The following ETV3 variants were observed in gnomAD, a reference collection of about 807,000 sequenced individuals.
The protein encoded by ETV3 is ETS variant transcription factor 3, also known as ETS translocation variant 3.
ETV3 carries 8 observed loss-of-function variants against 33.0 expected under a neutral mutation model. The ratio of observed to expected loss-of-function variants is 0.24; its 90% CI spans 0.14 to 0.44. The LOEUF is 0.44. ETV3 is among the 20% of genes least tolerant of loss of function. The probability of loss-of-function intolerance (pLI) is 1.00; values close to 1 mark genes in which losing one functional copy is unlikely to be tolerated. For synonymous variants in ETV3, 222 were observed against 238.9 expected (o/e 0.93, Z 0.65); for missense variants, 473 against 652.3 (o/e 0.73, Z 2.99).
rs1050205128 is a variant in ETV3, at chr1:157,121,276, T to C, written c.*3565A>G. ...CATAACAAAATACAGAGCTATCAGA[T>C]ACCCCTGGAAAAAATATGTATATTA... On this transcript the variant is annotated 3_prime_UTR_variant, in exon 5 of 5. Coordinates refer to ENST00000368192, the MANE Select transcript of ETV3 (RefSeq NM_001145312.3). 20 of 151,930 alleles carry C rather than the reference T, an allele frequency of 1.3e-4. No individual in the cohort carries two copies. Among genetic ancestry groups the C allele is most frequent in the Non-Finnish European group, 2.4e-4 (16 of 67,978 alleles). The allele number at this position is 151,930 out of a possible 1,614,324, so 9.4% of individuals were successfully genotyped here. A position where few individuals can be genotyped will look rare whatever the true frequency, so the allele number is the denominator to read the frequency against.
chr1:157,129,723 A>G (rs1421103544), intron 4 of ETV3, among the ~76,000 whole-genome samples: 1 of 152,240 alleles, frequency 6.6e-6, no homozygotes, highest in African/African-American at 2.4e-5. Context: ...TTGACTTTCA[A>G]TTAAGAGTAC....
At chr1:157,137,509 A>AAAACAC (rs779847792) in intron 1 of ETV3, among the ~76,000 whole-genome samples, 7 of 145,090 alleles carry the variant, frequency 4.8e-5, no homozygotes, top group African/African-American at 1.8e-4. Flanking sequence ...GACAAGGAAA[A>AAAACAC]ACACACACAC....
At chr1:157,131,988 T>G (rs1674977050) in intron 4 of ETV3, among the ~76,000 whole-genome samples, 1 of 152,212 alleles carries the variant, frequency 6.6e-6, no homozygotes, top group Admixed American at 6.5e-5. Context: ...TTATTGAGAC[T>G]GAGTCTCGCT....
In ETV3 at chr1:157,124,770, TG is replaced by T; in HGVS notation, c.*70del. Reference sequence around the variant, plus strand: ...CAGTTTAACTCCCTCCCCCCCACCCTGAAATCTTGCTACATAAATACATGTA... The same window carrying T: ...CAGTTTAACTCCCTCCCCCCCACCCTAAATCTTGCTACATAAATACATGTA... On this transcript the variant is annotated 3_prime_UTR_variant, in exon 5 of 5. Coordinates refer to ENST00000368192, the MANE Select transcript of ETV3 (RefSeq NM_001145312.3). The T allele has an allele frequency of 2.2e-5, 1 of 45,568 alleles. No homozygotes were observed. The highest frequency in any genetic ancestry group is 2.8e-4 in the South Asian group (1 of 3,542). The allele number at this position is 45,568 out of a possible 1,614,324, so 2.8% of individuals were successfully genotyped here. A position where few individuals can be genotyped will look rare whatever the true frequency, so the allele number is the denominator to read the frequency against.
At chr1:157,133,288 A>T (rs1571700965) in intron 4 of ETV3, 1 of 530,124 alleles carries the variant, frequency 1.9e-6, no homozygotes, top group Non-Finnish European at 2.4e-6. Context: ...GGAAGAAAAA[A>T]CATCATATAT....
chr1:157,125,204 G>A lies in ETV3; in HGVS notation c.1176C>T (p.Ser392=), dbSNP rs1025456826. 3.9e-6 allele frequency: 6 copies of A among 1,552,080 alleles called. No individual in the cohort carries two copies. The African/African-American group carries it at 5.5e-5, about 14-fold the overall frequency. The change falls in exon 5 of 5, where the codon AGC becomes AGT. Residue 392 remains serine, a synonymous_variant. Transcript: ENST00000368192. This position sits in a 1 kb window ranked among gnomAD's most constrained non-coding sequence, Gnocchi z 4.0. ...VEPASEKDPE[S]LRQSAREKEE... is the part of the protein sequence containing the mutation. ...CCTTCTCTCGTGCCGACTGCCTGAG[G>A]CTCTCAGGATCCTTTTCAGAGGCAG...
chr1:157,135,763 C>CTCTTA, intron 2 of ETV3, 55 bp from the exon 3 acceptor site: 3 of 1,530,080 alleles, frequency 2.0e-6, no homozygotes, highest in Non-Finnish European at 1.8e-6. Context: ...ACATACATAC[C>CTCTTA]AGCAACCCCA....
At position 157,135,718 on chromosome 1, in the gene ETV3, GAGA is replaced by G. The variant is rs1323160797; in HGVS notation, c.47-13_47-11del. 2 of 1,613,798 alleles carry G rather than the reference GAGA, an allele frequency of 1.2e-6. No individual in the cohort carries two copies. The highest frequency in any genetic ancestry group is 2.2e-5 in the East Asian group (1 of 44,886). On this transcript the variant is annotated splice_polypyrimidine_tract_variant and intron_variant, in intron 2 of 4. Coordinates refer to ENST00000368192, the MANE Select transcript of ETV3 (RefSeq NM_001145312.3). ...TCAGGAAACTGATACCCTTTCATGT[GAGA>G]AGGTCAAGATTAAGCTAGTTAAGAG...
At chr1:157,136,422 A>T in intron 1 of ETV3, 57 bp from the exon 2 acceptor site, 3 of 1,507,144 alleles carry the variant, frequency 2.0e-6, no homozygotes, top group Non-Finnish European at 2.7e-6. Context: ...GTATCCTCTC[A>T]AAAGTTTTCT....
At chr1:157,131,940 A>C (rs904026560) in intron 4 of ETV3, among the ~76,000 whole-genome samples, 4 of 152,208 alleles carry the variant, frequency 2.6e-5, no homozygotes, top group Non-Finnish European at 5.9e-5. Context: ...AGATAGATGT[A>C]CTAAAAGAAA....
rs897892246 is a variant in ETV3, at chr1:157,122,182, G to C, written c.*2659C>G. 21 of 152,194 alleles carry C rather than the reference G, an allele frequency of 1.4e-4. No individual in the cohort carries two copies. The highest frequency in any genetic ancestry group is 5.2e-4 in the Admixed American group (8 of 15,304). The allele number at this position is 152,194 out of a possible 1,614,324, so 9.4% of individuals were successfully genotyped here. A position where few individuals can be genotyped will look rare whatever the true frequency, so the allele number is the denominator to read the frequency against. On this transcript the variant is annotated 3_prime_UTR_variant, in exon 5 of 5. Transcript: ENST00000368192. ...TGATGAGATGCTCACAGAAGAAAAA[G>C]GCCTGGCTTTGTACCAGGCTGGCGA...
chr1:157,125,273 G>C lies in ETV3; in HGVS notation c.1107C>G (p.Thr369=), dbSNP rs1469970186. The C allele has an allele frequency of 6.4e-7, 1 of 1,552,126 alleles. No homozygotes were observed. Among genetic ancestry groups the C allele is most frequent in the African/African-American group, 1.4e-5 (1 of 73,158 alleles). Residue 369 remains threonine (T), a synonymous_variant, in exon 5 of 5, where the codon ACC becomes ACG. Coordinates refer to ENST00000368192, the MANE Select transcript of ETV3 (RefSeq NM_001145312.3). The surrounding 1 kb of genome is among the most constrained non-coding windows in gnomAD (Gnocchi z 4.0). ...VESSEESAPV[T]TPTMASIPPR... ...GGGGAATAGAAGCCATGGTGGGCGT[G>C]GTGACTGGTGCTGACTCCTCGCTGC...
intron 3 of ETV3, among the ~76,000 whole-genome samples, chr1:157,134,600 G>T (rs374259773): frequency 1.3e-5 from 2 of 152,214 alleles, no homozygotes; most frequent in African/African-American, 4.8e-5. Context: ...TTGCCCAGGT[G>T]GGGGCAGACA....
chr1:157,124,859 T>C lies in ETV3; in HGVS notation c.1521A>G (p.Thr507=), dbSNP rs1674789497. The change falls in exon 5 of 5, where the codon ACA becomes ACG. Residue 507 remains threonine (T), a synonymous_variant. Transcript: ENST00000368192. ...WNGSGPQGLA[T]AAADA is the part of the protein sequence containing the mutation. The stretch of plus-strand genomic sequence containing the variant: ...TCCAGTTCTAAGCATCAGCAGCTGC[T>C]GTTGCCAAGCCCTGGGGTCCTGACC... 1 of 1,534,314 alleles carries C rather than the reference T, an allele frequency of 6.5e-7. No homozygotes were observed. The highest frequency in any genetic ancestry group is 1.2e-5 in the South Asian group (1 of 82,740).
At position 157,123,465 on chromosome 1, in the gene ETV3, T is replaced by C. The variant is rs1434376727; in HGVS notation, c.*1376A>G. The C allele has an allele frequency of 6.6e-6, 1 of 152,214 alleles. No individual in the cohort carries two copies. The highest frequency in any genetic ancestry group is 6.5e-5 in the Admixed American group (1 of 15,286). 9.4% of individuals were successfully genotyped at this position (152,214 alleles called of 1,614,324 possible). ...TGAGAATCAGAACAATCTGGGCAAA[T>C]GGGTATGGCAAGAATGGGAACACCA... On this transcript the variant is annotated 3_prime_UTR_variant, in exon 5 of 5. Transcript: ENST00000368192.
At position 157,121,687 on chromosome 1, in the gene ETV3, A is replaced by T. The variant is rs1255669994; in HGVS notation, c.*3154T>A. ...TTACTGTTTACAAAACAAAAAGCAC[A>T]AACATAATTATGGAATAAATAAAAA... On this transcript the variant is annotated 3_prime_UTR_variant, in exon 5 of 5. Transcript: ENST00000368192. 6.6e-6 allele frequency: 1 copy of T among 152,274 alleles called. No homozygotes were observed. Among genetic ancestry groups the T allele is most frequent in the Non-Finnish European group, 1.5e-5 (1 of 68,050 alleles). The allele number at this position is 152,274 out of a possible 1,614,324, so 9.4% of individuals were successfully genotyped here. A position where few individuals can be genotyped will look rare whatever the true frequency, so the allele number is the denominator to read the frequency against.
Position 157,121,212 on chromosome 1 carries a change from T to C in ETV3, c.*3629A>G. On this transcript the variant is annotated 3_prime_UTR_variant, in exon 5 of 5. Coordinates refer to ENST00000368192, the MANE Select transcript of ETV3 (RefSeq NM_001145312.3). ...AACATTACTTAAAAGTATTTTTTTA[T>C]TTAATTTCTGAGGTAAAATACTTTT... 1 of 152,156 alleles carries C rather than the reference T, an allele frequency of 6.6e-6. No individual in the cohort carries two copies. Among genetic ancestry groups the C allele is most frequent in the Non-Finnish European group, 1.5e-5 (1 of 68,036 alleles). 9.4% of individuals were successfully genotyped at this position (152,156 alleles called of 1,614,324 possible).
Position 157,136,584 on chromosome 1 carries a change from C to A in ETV3, c.-13-219G>T, listed in dbSNP as rs532346475. 2.0e-5 allele frequency among the ~76,000 whole-genome samples: 3 copies of A among 152,298 alleles called. No homozygotes were observed. The South Asian group carries it at 6.2e-4, about 32-fold the overall frequency. On this transcript the variant is annotated intron_variant, in intron 1 of 4. Transcript: ENST00000368192. The stretch of plus-strand genomic sequence containing the variant: ...TTCAAAAGCCATAATTATCTCTCAC[C>A]TGACTTTAAACCACAAAGTGTAAAC...
rs747302001 is a variant in ETV3, at chr1:157,136,344, G to A, written c.9C>T (p.Ala3=). 26 of 1,609,428 alleles carry A rather than the reference G, an allele frequency of 1.6e-5. 1 individual carries two copies. The highest frequency in any genetic ancestry group is 1.4e-4 in the East Asian group (6 of 44,436). ...CTGGCTTTTCCACGATGCTACAGCC[G>A]GCTTTCATTTTCACCCGCCTGCTGA... MK[A]GCSIVEKPEG... The change falls in exon 2 of 5, where the codon GCC becomes GCT. Residue 3 remains alanine (A), a synonymous_variant. Transcript: ENST00000368192.
Sources: allele counts gnomAD v4.1 joint callset (sites outside exome capture counted in the v4.1 genomes callset), GRCh38; gene constraint gnomAD v4.1.1; non-coding constraint Gnocchi (gnomAD v3.1); transcripts MANE v1.5; gene names NCBI Gene and HGNC (gene_info 2026-07-23, HGNC 2026-07-21).